BCR: variants seen among roughly 807,000 people sequenced by gnomAD.
The protein encoded by BCR is BCR activator of RhoGEF and GTPase.
Under a neutral mutation model 138.6 loss-of-function variants are expected in BCR, and 58 were observed. That is an observed-to-expected ratio of 0.42 (90% CI 0.34 to 0.52). The LOEUF is 0.52. Ranked by LOEUF, BCR falls within the 20% of genes least tolerant of loss-of-function variation. The pLI, the probability that BCR is intolerant of heterozygous loss-of-function variation, is 0.06. For synonymous variants in BCR, 786 were observed against 730.1 expected, an observed-to-expected ratio of 1.08 and a Z score of -1.23; for missense variants, 1,599 against 1,727.2, an observed-to-expected ratio of 0.93 and a Z score of 1.32.
intron 1 of BCR, among the ~76,000 whole-genome samples, chr22:23,212,551 C>T (rs1246215754): frequency 1.3e-5 from 2 of 152,206 alleles, no homozygotes; most frequent in African/African-American, 2.4e-5. Flanking sequence ...CCACTGGGCT[C>T]TGTGGGGCCT....
intron 8 of BCR, among the ~76,000 whole-genome samples, chr22:23,278,032 G>A (rs962117801): frequency 3.3e-5 from 5 of 152,248 alleles, no homozygotes; most frequent in African/African-American, 9.6e-5. Context: ...CCTGGGTTCT[G>A]AGGGCTGGTG....
At chr22:23,212,003 C>T (rs1460589875) in intron 1 of BCR, among the ~76,000 whole-genome samples, 1 of 152,282 alleles carries the variant, frequency 6.6e-6, no homozygotes, top group African/African-American at 2.4e-5. Flanking sequence ...TACCCCATAA[C>T]CAGGGTCCTG....
intron 1 of BCR, among the ~76,000 whole-genome samples, chr22:23,228,965 T>C (rs2072922620): frequency 6.6e-6 from 1 of 152,190 alleles, no homozygotes; most frequent in Non-Finnish European, 1.5e-5. Flanking sequence ...ATCTCTCCTC[T>C]CTTTCTGGGA....
At chr22:23,228,077 T>C (rs967735506) in intron 1 of BCR, among the ~76,000 whole-genome samples, 1 of 152,230 alleles carries the variant, frequency 6.6e-6, no homozygotes, top group African/African-American at 2.4e-5. Flanking sequence ...ATCCCCTCTT[T>C]CATTTCTGAT....
At chr22:23,268,779 G>T (rs2146284767) in intron 5 of BCR, among the ~76,000 whole-genome samples, 1 of 152,300 alleles carries the variant, frequency 6.6e-6, no homozygotes, top group East Asian at 1.9e-4. Flanking sequence ...TCTTTGCACT[G>T]TCTGTCTGCA....
chr22:23,299,205 C>T (rs1266722106), intron 16 of BCR, among the ~76,000 whole-genome samples: 2 of 151,882 alleles, frequency 1.3e-5, no homozygotes, highest in African/African-American at 2.4e-5. Flanking sequence ...ACCGTGGTCT[C>T]GATCTCCTGA....
chr22:23,184,822 T>G (rs551473103), intron 1 of BCR, among the ~76,000 whole-genome samples: 2 of 151,700 alleles, frequency 1.3e-5, no homozygotes, highest in African/African-American at 4.8e-5. Flanking sequence ...GAATCCTCAC[T>G]GGCTCAGCCA....
intron 1 of BCR, among the ~76,000 whole-genome samples, chr22:23,222,889 A>G (rs1427449188): frequency 1.3e-5 from 2 of 152,174 alleles, no homozygotes; most frequent in African/African-American, 4.8e-5. Flanking sequence ...TGGGCTGTTT[A>G]TAAACAAGAG....
rs948643351 is a variant in BCR at position 23,289,002 on chromosome 22, G to A, written c.2603-515G>A. On this transcript the variant is annotated intron_variant, in intron 12 of 22. Coordinates refer to ENST00000305877, the MANE Select transcript of BCR (RefSeq NM_004327.4). ...GTGGCCTGGGGGATCAAGGATCTCC[G>A]GGCAGCCCTGCCAGTGCTTGTGTCC... Among the ~76,000 whole-genome samples, 6 of 152,302 alleles carry A rather than the reference G, an allele frequency of 3.9e-5. No individual in the cohort carries two copies. The East Asian group carries it at 5.8e-4, about 15-fold the overall frequency.
intron 16 of BCR, among the ~76,000 whole-genome samples, chr22:23,302,134 A>T (rs981733685): frequency 6.6e-6 from 1 of 151,210 alleles, no homozygotes; most frequent in African/African-American, 2.4e-5. Flanking sequence ...GGAGGTGGGG[A>T]CCTGGCAAGT....
intron 1 of BCR, among the ~76,000 whole-genome samples, chr22:23,194,595 G>A (rs538540785): frequency 6.6e-6 from 1 of 151,960 alleles, no homozygotes; most frequent in Non-Finnish European, 1.5e-5. Context: ...TGTATTTTTA[G>A]TAGAGACGGG....
chr22:23,214,348 A>G (rs1007959448), intron 1 of BCR, among the ~76,000 whole-genome samples: 4 of 152,122 alleles, frequency 2.6e-5, no homozygotes, highest in Non-Finnish European at 2.9e-5. Flanking sequence ...TTCTTTGCCA[A>G]TGGTATTTCA....
At chr22:23,203,364 C>T (rs1161940012) in intron 1 of BCR, among the ~76,000 whole-genome samples, 1 of 152,172 alleles carries the variant, frequency 6.6e-6, no homozygotes, top group Non-Finnish European at 1.5e-5. Flanking sequence ...TCCTTCTGTT[C>T]ACAGGATTGT....
chr22:23,292,717 C>A, intron 15 of BCR, 79 bp downstream of exon 15: 1 of 1,290,228 alleles, frequency 7.8e-7, no homozygotes, highest in Non-Finnish European at 1.1e-6. Context: ...TCTAAACCTT[C>A]AGGGGCTCCC....
At chr22:23,190,154 G>A (rs1601995214) in intron 1 of BCR, among the ~76,000 whole-genome samples, 1 of 152,034 alleles carries the variant, frequency 6.6e-6, no homozygotes, top group Non-Finnish European at 1.5e-5. Flanking sequence ...GCATCTCTCT[G>A]TGTCCAAATT....
Position 23,285,202 on chromosome 22 carries a change from G to T in BCR, c.2406+1G>T. 1 of 1,610,808 alleles carries T rather than the reference G, an allele frequency of 6.2e-7. No individual in the cohort carries two copies. Among genetic ancestry groups the T allele is most frequent in the Non-Finnish European group, 8.5e-7 (1 of 1,178,742 alleles). Reference sequence around the variant, plus strand: ...CAAGAATGACATCCAGAGAGAGAAGGTGCACACCAGGGGAGCAAGGGCCGG... The same window carrying T: ...CAAGAATGACATCCAGAGAGAGAAGTTGCACACCAGGGGAGCAAGGGCCGG... On this transcript the variant is annotated splice_donor_variant, in intron 10 of 22. Coordinates refer to ENST00000305877, the MANE Select transcript of BCR (RefSeq NM_004327.4). LOFTEE classifies it high-confidence loss of function.
intron 22 of BCR, among the ~76,000 whole-genome samples, chr22:23,315,009 C>T (rs2074052973): frequency 6.6e-6 from 1 of 152,186 alleles, no homozygotes; most frequent in African/African-American, 2.4e-5. Context: ...ATAACCAATC[C>T]CAGGTGTTTG....
intron 1 of BCR, among the ~76,000 whole-genome samples, chr22:23,218,416 T>C (rs774649206): frequency 5.3e-5 from 8 of 152,214 alleles, no homozygotes; most frequent in Non-Finnish European, 1.0e-4. Flanking sequence ...ACCCCCATTA[T>C]GTAAGGCAGG....
Position 23,181,707 on chromosome 22 carries a change from C to T in BCR, c.747C>T (p.Ala249=), listed in dbSNP as rs761828616. 1.9e-6 allele frequency: 3 copies of T among 1,604,172 alleles called. No individual in the cohort carries two copies. Among genetic ancestry groups the T allele is most frequent in the South Asian group, 2.2e-5 (2 of 91,070 alleles). Residue 249 remains alanine, a synonymous_variant, in exon 1 of 23, where the codon GCC becomes GCT. Transcript: ENST00000305877. ...SCGVDGDYED[A]ELNPRFLKDN... is the part of the protein sequence containing the mutation. Reference sequence around the variant, plus strand: ...GCGTCGACGGCGACTACGAGGACGCCGAGTTGAACCCCCGCTTCCTGAAGG... The same window carrying T: ...GCGTCGACGGCGACTACGAGGACGCTGAGTTGAACCCCCGCTTCCTGAAGG...
Sources: gnomAD v4.1 joint callset for allele counts (sites outside exome capture counted in the v4.1 genomes callset) on GRCh38, gnomAD v4.1.1 for gene constraint, MANE v1.5 for transcripts, NCBI Gene and HGNC (gene_info 2026-07-23, HGNC 2026-07-21) for gene names.